UHRF2: variants seen among roughly 807,000 people sequenced by gnomAD.
The protein encoded by UHRF2 is E3 ubiquitin-protein ligase UHRF2.
A neutral mutation model predicts 96.8 loss-of-function variants in UHRF2; 23 were observed. That is an observed-to-expected ratio of 0.24 (90% CI 0.17 to 0.34). The LOEUF (loss-of-function observed/expected upper bound fraction) is 0.34, where lower values mean the gene tolerates loss of function less well. Among genes scored for constraint, UHRF2 ranks in the 10% least tolerant of loss-of-function variants. The pLI is 1.00. For synonymous variants in UHRF2, 385 were observed against 332.6 expected (o/e 1.16, Z -1.72); for missense variants, 685 against 981.5 (o/e 0.70, Z 4.04).
chr9:6,494,391 T>C (rs1824846608), intron 10 of UHRF2: 1 of 153,318 alleles, frequency 6.5e-6, no homozygotes, highest in Non-Finnish European at 1.5e-5. Context: ...TTTTAGAATG[T>C]CTGCTAATCA....
At chr9:6,506,011 G>T in intron 15 of UHRF2, 22 bp from the exon 16 acceptor site, 1 of 1,613,478 alleles carries the variant, frequency 6.2e-7, no homozygotes, top group Non-Finnish European at 8.5e-7. Flanking sequence ...GATTAAATTG[G>T]ATGTTTTTGT....
chr9:6,413,451 G>C lies in UHRF2; in HGVS notation c.-40G>C, dbSNP rs1352301576. 6.8e-7 allele frequency: 1 copy of C among 1,472,142 alleles called. No homozygotes were observed. Among genetic ancestry groups the C allele is most frequent in the African/African-American group, 1.4e-5 (1 of 69,206 alleles). The allele number at this position is 1,472,142 out of a possible 1,614,324, so 91.2% of individuals were successfully genotyped here. ...GGCGGGGCGCGGCGCCCAGAGCTCAGGGGGAGACAAAGGGGACCGGTTCCT... is the reference window on the plus strand; with the variant it reads ...GGCGGGGCGCGGCGCCCAGAGCTCACGGGGAGACAAAGGGGACCGGTTCCT... On this transcript the variant is annotated 5_prime_UTR_variant, in exon 1 of 16. Transcript: ENST00000276893.
chr9:6,495,387 A>T (rs1211332704), intron 10 of UHRF2: 1 of 152,226 alleles, frequency 6.6e-6, no homozygotes. Flanking sequence ...AGTTGTGAAT[A>T]CGCCTTGTGA....
intron 9 of UHRF2, among the ~76,000 whole-genome samples, chr9:6,489,746 T>TA (rs1491441851): frequency 2.1e-5 from 3 of 142,502 alleles, no homozygotes; most frequent in Non-Finnish European, 1.5e-5. Context: ...TTTTTTTTTT[T>TA]ACCATTCATC....
chr9:6,486,740 C>T (rs200640661), intron 8 of UHRF2, 81 bp from the exon 9 acceptor site: 32 of 1,381,148 alleles, frequency 2.3e-5, no homozygotes, highest in Non-Finnish European at 3.2e-5. Context: ...CTTTAGGTAC[C>T]AAGAATATAT....
chr9:6,471,496 G>T (rs560430263), intron 4 of UHRF2, among the ~76,000 whole-genome samples: 14 of 152,242 alleles, frequency 9.2e-5, no homozygotes, highest in African/African-American at 3.1e-4. Context: ...TCAAGATGAG[G>T]TTTTAAAAAG....
intron 14 of UHRF2, among the ~76,000 whole-genome samples, chr9:6,503,224 G>A (rs752347210): frequency 1.3e-5 from 2 of 152,086 alleles, no homozygotes; most frequent in Non-Finnish European, 2.9e-5. Context: ...TAGCACTCCT[G>A]ACCTCAAATG....
At chr9:6,458,861 T>C (rs952462377) in intron 3 of UHRF2, among the ~76,000 whole-genome samples, 3 of 152,130 alleles carry the variant, frequency 2.0e-5, no homozygotes, top group Non-Finnish European at 4.4e-5. Flanking sequence ...ATGTGGCACA[T>C]ATACACCATG....
chr9:6,459,009 T>C (rs937088562), intron 3 of UHRF2, among the ~76,000 whole-genome samples: 3 of 151,888 alleles, frequency 2.0e-5, no homozygotes, highest in African/African-American at 7.3e-5. Context: ...TAAGTGGAAG[T>C]TGAACAATGA....
chr9:6,451,105 C>G (rs1821832184), intron 3 of UHRF2, among the ~76,000 whole-genome samples: 1 of 152,154 alleles, frequency 6.6e-6, no homozygotes, highest in Non-Finnish European at 1.5e-5. Flanking sequence ...CACTGATTTG[C>G]TTTATCCTAC....
chr9:6,415,559 C>A (rs1176047348), intron 1 of UHRF2: 1 of 152,196 alleles, frequency 6.6e-6, no homozygotes, highest in Admixed American at 6.5e-5. Context: ...CAGAGAGTCC[C>A]CGTCCTGTAA....
At chr9:6,456,474 C>G (rs1032752903) in intron 3 of UHRF2, among the ~76,000 whole-genome samples, 1 of 152,092 alleles carries the variant, frequency 6.6e-6, no homozygotes, top group Admixed American at 6.5e-5. Context: ...TTCTCTCGTT[C>G]TGTAGGTTGC....
chr9:6,445,559 C>A (rs1190932564), intron 3 of UHRF2, among the ~76,000 whole-genome samples: 2 of 152,100 alleles, frequency 1.3e-5, no homozygotes, highest in African/African-American at 4.8e-5. Context: ...CCACGCCTAG[C>A]CTCTTTATTT....
At chr9:6,462,069 C>G (rs530814327) in intron 4 of UHRF2, among the ~76,000 whole-genome samples, 1 of 151,244 alleles carries the variant, frequency 6.6e-6, no homozygotes, top group Non-Finnish European at 1.5e-5. Context: ...ATTAGTGATA[C>G]AAGGTGACAA....
chr9:6,467,477 C>G (rs770662545), intron 4 of UHRF2, among the ~76,000 whole-genome samples: 17 of 151,998 alleles, frequency 1.1e-4, no homozygotes, highest in Non-Finnish European at 1.8e-4. Context: ...TTCTGCCTGT[C>G]ATACCACTGG....
intron 9 of UHRF2, among the ~76,000 whole-genome samples, chr9:6,491,789 C>T (rs1824673677): frequency 6.6e-6 from 1 of 152,208 alleles, no homozygotes; most frequent in African/African-American, 2.4e-5. Flanking sequence ...GAGCTCTTCC[C>T]AGGCAGCAGA....
At chr9:6,471,088 C>T (rs969248793) in intron 4 of UHRF2, among the ~76,000 whole-genome samples, 1 of 152,174 alleles carries the variant, frequency 6.6e-6, no homozygotes, top group African/African-American at 2.4e-5. Context: ...AAGATGACAA[C>T]AGCAAAGACT....
intron 8 of UHRF2, among the ~76,000 whole-genome samples, chr9:6,486,300 A>G (rs1047831414): frequency 2.6e-5 from 4 of 152,214 alleles, no homozygotes; most frequent in African/African-American, 9.6e-5. Flanking sequence ...GTACAAGAAG[A>G]TGGATTTGAG....
chr9:6,466,075 C>T (rs1347986686), intron 4 of UHRF2, among the ~76,000 whole-genome samples: 1 of 152,028 alleles, frequency 6.6e-6, no homozygotes, highest in East Asian at 1.9e-4. Context: ...TATTTGAATC[C>T]TATAGGAAGA....
Sources: allele counts gnomAD v4.1 joint callset (sites outside exome capture counted in the v4.1 genomes callset), GRCh38; gene constraint gnomAD v4.1.1; transcripts MANE v1.5; gene names NCBI Gene and HGNC (gene_info 2026-07-23, HGNC 2026-07-21).